The following FYTTD1 variants were observed in gnomAD, a reference collection of about 807,000 sequenced individuals.
FYTTD1 encodes forty-two-three domain containing 1, also known as UAP56-interacting factor.
Under a neutral mutation model 40.9 loss-of-function variants are expected in FYTTD1, and 22 were observed. The observed-to-expected ratio is 0.54, with a 90% CI of 0.38 to 0.77. The LOEUF (loss-of-function observed/expected upper bound fraction) is 0.77. Ranked by LOEUF, FYTTD1 falls within the 30% of genes least tolerant of loss-of-function variation. FYTTD1 has a pLI of 0.00. For missense variants in FYTTD1, 351 were observed against 392.2 expected (o/e 0.90, Z 0.89); for synonymous variants, 140 against 137.9 (o/e 1.01, Z -0.10).
Position 197,773,703 on chromosome 3 carries a change from T to G in FYTTD1, c.594+204T>G, listed in dbSNP as rs377172908. 6.6e-4 allele frequency among the ~76,000 whole-genome samples: 101 copies of G among 152,358 alleles called. No individual in the cohort carries two copies. The South Asian group carries it at 0.02, about 31-fold the overall frequency. On this transcript the variant is annotated intron_variant, in intron 5 of 8. Transcript: ENST00000241502. ...CTCAATAGCAATGTCTTATAAGAAT[T>G]TAACTCGTTATTTGGGAATAAACCT...
At chr3:197,753,928 C>T (rs1447895684) in intron 1 of FYTTD1, among the ~76,000 whole-genome samples, 5 of 151,884 alleles carry the variant, frequency 3.3e-5, no homozygotes, top group African/African-American at 1.2e-4. Flanking sequence ...TTTTAGTAGA[C>T]ACAGGGTTTC....
intron 2 of FYTTD1, among the ~76,000 whole-genome samples, chr3:197,760,938 A>T (rs915070915): frequency 5.5e-5 from 8 of 145,928 alleles, no homozygotes; most frequent in African/African-American, 2.2e-4. Flanking sequence ...CTTCAGTGGT[A>T]GAATGTATAG....
At position 197,776,900 on chromosome 3, in the gene FYTTD1, AATTTTTTTT is replaced by A. The variant is rs1560500567; in HGVS notation, c.657-17_657-9del. ...AGGGTTTATCAACTTACATTTAATGAATTTTTTTTATTTTTTTTGAAACTAGATGGCGGA... is the reference window on the plus strand; with the variant it reads ...AGGGTTTATCAACTTACATTTAATGAATTTTTTTTGAAACTAGATGGCGGA... On this transcript the variant is annotated intron_variant, in intron 6 of 8. Transcript: ENST00000241502. 1 of 1,488,506 alleles carries A rather than the reference AATTTTTTTT, an allele frequency of 6.7e-7. No individual in the cohort carries two copies. The highest frequency in any genetic ancestry group is 1.2e-5 in the South Asian group (1 of 86,756). The allele number at this position is 1,488,506 out of a possible 1,614,324, so 92.2% of individuals were successfully genotyped here.
intron 8 of FYTTD1, among the ~76,000 whole-genome samples, chr3:197,779,420 A>C (rs116931954): frequency 6.6e-6 from 1 of 152,152 alleles, no homozygotes; most frequent in African/African-American, 2.4e-5. Context: ...TCTCAAAAAA[A>C]AAAAGGTCAA....
chr3:197,768,593 A>T lies in FYTTD1; in HGVS notation c.384+6A>T, dbSNP rs1485691844. ...GTCCACCTCTAAGTGACAAGGTAGG[A>T]TGATGGCTTAATCCTGGATTAGATA... is the stretch of plus-strand genomic sequence containing the variant. On this transcript the variant is annotated splice_donor_region_variant and intron_variant, in intron 3 of 8. Coordinates refer to ENST00000241502, the MANE Select transcript of FYTTD1 (RefSeq NM_032288.7). 2 of 1,609,494 alleles carry T rather than the reference A, an allele frequency of 1.2e-6. No individual in the cohort carries two copies. The highest frequency in any genetic ancestry group is 1.3e-5 in the African/African-American group (1 of 74,994).
chr3:197,773,910 G>A (rs1261026124), intron 5 of FYTTD1, among the ~76,000 whole-genome samples: 2 of 148,350 alleles, frequency 1.3e-5, no homozygotes, highest in African/African-American at 5.1e-5. Context: ...AATAGCGCGG[G>A]CCCCTCCGCA....
intron 1 of FYTTD1, among the ~76,000 whole-genome samples, chr3:197,751,573 G>GCAGT (rs1304994891): frequency 6.6e-6 from 1 of 152,136 alleles, no homozygotes; most frequent in African/African-American, 2.4e-5. Flanking sequence ...GGCGGATGTT[G>GCAGT]CAGTGAGCCG....
intron 2 of FYTTD1, among the ~76,000 whole-genome samples, chr3:197,761,071 A>C (rs897897042): frequency 1.8e-4 from 27 of 148,800 alleles, no homozygotes; most frequent in Non-Finnish European, 3.0e-5. Flanking sequence ...GTTGTTCCTC[A>C]GTGGTAGAAT....
chr3:197,766,725 C>G (rs118132628), intron 2 of FYTTD1, among the ~76,000 whole-genome samples: 3,601 of 152,032 alleles, frequency 0.024, 82 homozygotes, highest in East Asian at 0.053. Flanking sequence ...TTATAGGCAT[C>G]AGCCACCATG....
rs540928527 is a variant in FYTTD1, at chr3:197,782,127, A to G, written c.*218A>G. 1,159 of 332,632 alleles carry G rather than the reference A, an allele frequency of 3.5e-3. 6 individuals carry two copies. Among genetic ancestry groups the G allele is most frequent in the Middle Eastern group, 0.01 (12 of 1,190 alleles). 20.6% of individuals were successfully genotyped at this position (332,632 alleles called of 1,614,324 possible). On this transcript the variant is annotated 3_prime_UTR_variant, in exon 9 of 9. Coordinates refer to ENST00000241502, the MANE Select transcript of FYTTD1 (RefSeq NM_032288.7). ...ATACCTGTCTGTTCTTAAAGATTTC[A>G]TGGTTGGCTCAGACAGAACAATCAT...
intron 1 of FYTTD1, among the ~76,000 whole-genome samples, chr3:197,752,085 A>G (rs1729075422): frequency 6.6e-6 from 1 of 152,176 alleles, no homozygotes; most frequent in Non-Finnish European, 1.5e-5. Flanking sequence ...CATGTTGGCC[A>G]GGCTGGTCTC....
At chr3:197,764,241 C>T (rs994383585) in intron 2 of FYTTD1, among the ~76,000 whole-genome samples, 2 of 152,092 alleles carry the variant, frequency 1.3e-5, no homozygotes, top group Non-Finnish European at 2.9e-5. Context: ...AAGACAGTTA[C>T]AGAGCATAAG....
At chr3:197,754,036 G>A (rs767021607) in intron 1 of FYTTD1, among the ~76,000 whole-genome samples, 4 of 152,014 alleles carry the variant, frequency 2.6e-5, no homozygotes, top group Admixed American at 6.6e-5. Flanking sequence ...TACCGCACCC[G>A]GCCTATATGC....
chr3:197,768,917 C>T (rs1339734122), intron 3 of FYTTD1, among the ~76,000 whole-genome samples: 12 of 151,712 alleles, frequency 7.9e-5, no homozygotes, highest in Admixed American at 3.9e-4. Context: ...CTCAGCCTCC[C>T]GAGTAGCTGG....
intron 4 of FYTTD1, among the ~76,000 whole-genome samples, chr3:197,771,290 A>G (rs932458579): frequency 6.6e-6 from 1 of 152,256 alleles, no homozygotes; most frequent in Non-Finnish European, 1.5e-5. Context: ...AAGTTTCCTT[A>G]TTCAGTTTCA....
chr3:197,763,429 A>G, intron 2 of FYTTD1: 2 of 370,266 alleles, frequency 5.4e-6, no homozygotes, highest in Admixed American at 3.9e-5. Flanking sequence ...AAAAAAAAAA[A>G]AGTTTTTATT....
At chr3:197,752,606 GTGTATGTA>G (rs1001029318) in intron 1 of FYTTD1, among the ~76,000 whole-genome samples, 7 of 151,834 alleles carry the variant, frequency 4.6e-5, no homozygotes, top group African/African-American at 1.7e-4. Context: ...CTACATATAT[GTGTATGTA>G]TGTCTATGGC....
chr3:197,787,110 T>TC lies in FYTTD1; in HGVS notation c.*5202dup, dbSNP rs1730170757. ...CACCACGCCCGCCCTAAAAGTGGAT[T>TC]CTTTTTTTTTTTTTTTTTTTTGGAG... is the stretch of plus-strand genomic sequence containing the variant. On this transcript the variant is annotated 3_prime_UTR_variant, in exon 9 of 9. Coordinates refer to ENST00000241502, the MANE Select transcript of FYTTD1 (RefSeq NM_032288.7). 8.0e-6 allele frequency: 1 copy of TC among 125,294 alleles called. No individual in the cohort carries two copies. Among genetic ancestry groups the TC allele is most frequent in the African/African-American group, 3.0e-5 (1 of 32,894 alleles). 7.8% of individuals were successfully genotyped at this position (125,294 alleles called of 1,614,324 possible).
At chr3:197,766,743 T>A (rs76170208) in intron 2 of FYTTD1, among the ~76,000 whole-genome samples, 3,596 of 152,136 alleles carry the variant, frequency 0.024, 82 homozygotes, top group East Asian at 0.053. Flanking sequence ...ATGCCCAGCC[T>A]GCAGTACAGG....
Sources: allele counts gnomAD v4.1 joint callset (sites outside exome capture counted in the v4.1 genomes callset), GRCh38; gene constraint gnomAD v4.1.1; transcripts MANE v1.5; gene names NCBI Gene and HGNC (gene_info 2026-07-23, HGNC 2026-07-21).